Variants in BCAS3 observed in about 807,000 individuals in gnomAD.
BCAS3 encodes the protein BCAS4/BCAS3 fusion.
A neutral mutation model predicts 116.1 loss-of-function variants in BCAS3; 53 were observed. The ratio of observed to expected loss-of-function variants is 0.46; its 90% CI spans 0.37 to 0.57. The LOEUF is 0.57. BCAS3 is among the 20% of genes least tolerant of loss of function. The pLI is 0.00. For synonymous variants in BCAS3, 391 were observed against 408.2 expected, an observed-to-expected ratio of 0.96 and a Z score of 0.51; for missense variants, 917 against 1,165.4, an observed-to-expected ratio of 0.79 and a Z score of 3.10.
At chr17:60,727,551 A>G (rs1236144857) in intron 5 of BCAS3, 1 of 1,170,580 alleles carries the variant, frequency 8.5e-7, no homozygotes, top group African/African-American at 1.6e-5. Flanking sequence ...TCGCCTCGCA[A>G]AGCTCTCGCC....
In BCAS3 at chr17:61,302,271, C is replaced by G. The variant is rs2053514680; in HGVS notation, c.2426-66056C>G. The stretch of plus-strand genomic sequence containing the variant: ...GTCACATCAGAATGTACCACGGAAT[C>G]TGACTTTGCCATTTGTGTGGCTATG... On this transcript the variant is annotated intron_variant, in intron 22 of 23. Coordinates refer to ENST00000407086, the MANE Select transcript of BCAS3 (RefSeq NM_017679.5). The surrounding 1 kb of genome is among the most constrained non-coding windows in gnomAD (Gnocchi z 4.4). Among the ~76,000 whole-genome samples the G allele has an allele frequency of 6.6e-6, 1 of 152,198 alleles. No homozygotes were observed. The highest frequency in any genetic ancestry group is 2.4e-5 in the African/African-American group (1 of 41,442).
At chr17:60,811,144 G>C in intron 7 of BCAS3, 2 of 633,666 alleles carry the variant, frequency 3.2e-6, no homozygotes. Flanking sequence ...CCTGAGGGAG[G>C]TGGAGGCCCA....
chr17:61,035,312 G>C (rs147447539), intron 17 of BCAS3, among the ~76,000 whole-genome samples: 1 of 152,182 alleles, frequency 6.6e-6, no homozygotes, highest in African/African-American at 2.4e-5. Flanking sequence ...AAGGCCAGTC[G>C]CAGTGGCTCA....
Position 60,924,515 on chromosome 17 carries a change from TG to T in BCAS3, c.1087+16del, listed in dbSNP as rs750175888. 3.3e-6 allele frequency: 5 copies of T among 1,531,592 alleles called. No homozygotes were observed. Among genetic ancestry groups the T allele is most frequent in the East Asian group, 2.3e-5 (1 of 44,134 alleles). The allele number at this position is 1,531,592 out of a possible 1,614,324, so 94.9% of individuals were successfully genotyped here. A position where few individuals can be genotyped will look rare whatever the true frequency, so the allele number is the denominator to read the frequency against. Reference sequence around the variant, plus strand: ...TAATACAAGTGGTAAGTTCGCTCTCTGTCTTTTTTTTTTTTTTTTTTGTAGA... The same window carrying T: ...TAATACAAGTGGTAAGTTCGCTCTCTTCTTTTTTTTTTTTTTTTTTGTAGA... On this transcript the variant is annotated intron_variant, in intron 13 of 23. Transcript: ENST00000407086.
intron 22 of BCAS3, among the ~76,000 whole-genome samples, chr17:61,192,246 C>CAAAAAAAAAAAAAAAAAAAAAAAAAAAAA (rs60456812): frequency 7.1e-5 from 5 of 70,684 alleles, no homozygotes; most frequent in Non-Finnish European, 1.1e-4. Flanking sequence ...GCTCTGTTAC[C>CAAAAAAAAAAAAAAAAAAAAAAAAAAAAA]AAAAAAAAAA....
intron 5 of BCAS3, among the ~76,000 whole-genome samples, chr17:60,744,852 G>T (rs2041899218): frequency 6.6e-6 from 1 of 152,098 alleles, no homozygotes; most frequent in Non-Finnish European, 1.5e-5. Flanking sequence ...AGGGATTTAA[G>T]ATACAAGCTT....
Position 61,278,860 on chromosome 17 carries a change from TTTC to T in BCAS3, c.2426-89464_2426-89462del, listed in dbSNP as rs1321927976. ...GAGGTAGTGGCTAAGTGGTACAGGGTTTCTTTTCAGAACAATCAAAATCTTCTA... is the reference window on the plus strand; with the variant it reads ...GAGGTAGTGGCTAAGTGGTACAGGGTTTTTCAGAACAATCAAAATCTTCTA... On this transcript the variant is annotated intron_variant, in intron 22 of 23. Transcript: ENST00000407086. The surrounding 1 kb of genome is among the most constrained non-coding windows in gnomAD (Gnocchi z 5.8). Among the ~76,000 whole-genome samples, 2 of 152,092 alleles carry T rather than the reference TTTC, an allele frequency of 1.3e-5. No individual in the cohort carries two copies. Among genetic ancestry groups the T allele is most frequent in the African/African-American group, 4.8e-5 (2 of 41,408 alleles).
At chr17:61,108,023 C>T (rs1335452055) in intron 22 of BCAS3, among the ~76,000 whole-genome samples, 4 of 152,200 alleles carry the variant, frequency 2.6e-5, no homozygotes, top group Non-Finnish European at 5.9e-5. Flanking sequence ...TTATTGAAGT[C>T]TCCAGCTATA....
chr17:61,316,820 A>C lies in BCAS3; in HGVS notation c.2426-51507A>C, dbSNP rs757848803. On this transcript the variant is annotated intron_variant, in intron 22 of 23. Transcript: ENST00000407086. This position sits in a 1 kb window ranked among gnomAD's most constrained non-coding sequence, Gnocchi z 5.8. ...GGGGTCATGTACAATAATTCCTGCC[A>C]TGTAGGTTTATTAAATTAACAGTTG... Among the ~76,000 whole-genome samples, 49 of 152,144 alleles carry C rather than the reference A, an allele frequency of 3.2e-4. 1 individual carries two copies. The highest frequency in any genetic ancestry group is 1.0e-4 in the Non-Finnish European group (7 of 68,028).
intron 19 of BCAS3, among the ~76,000 whole-genome samples, chr17:61,072,421 A>G (rs2071520337): frequency 6.6e-6 from 1 of 152,088 alleles, no homozygotes; most frequent in Non-Finnish European, 1.5e-5. Context: ...TATTTTGATG[A>G]TGGATAAATA....
At chr17:60,765,867 T>G (rs1441623225) in intron 6 of BCAS3, among the ~76,000 whole-genome samples, 5 of 152,224 alleles carry the variant, frequency 3.3e-5, no homozygotes, top group African/African-American at 1.2e-4. Flanking sequence ...AGTCCTATAT[T>G]TCTTGGAGGC....
chr17:60,920,547 T>C (rs918998718), intron 12 of BCAS3, among the ~76,000 whole-genome samples: 2 of 152,100 alleles, frequency 1.3e-5, no homozygotes. Context: ...AGATGCCACC[T>C]TAACACCAGT....
In BCAS3 at chr17:61,084,608, T is replaced by C; in HGVS notation, c.2425+44T>C. 6.8e-7 allele frequency: 1 copy of C among 1,475,720 alleles called. No individual in the cohort carries two copies. The highest frequency in any genetic ancestry group is 9.5e-7 in the Non-Finnish European group (1 of 1,057,156). 91.4% of individuals were successfully genotyped at this position (1,475,720 alleles called of 1,614,324 possible). ...AATATTTATTGGGCAGTCCTGTGCA[T>C]TTTTAACTAATTTTCTCGCACAATG... On this transcript the variant is annotated intron_variant, in intron 22 of 23. Transcript: ENST00000407086. The surrounding 1 kb of genome is among the most constrained non-coding windows in gnomAD (Gnocchi z 5.5).
chr17:61,034,979 C>T lies in BCAS3; in HGVS notation c.1762+189C>T, dbSNP rs1300286499. Among the ~76,000 whole-genome samples the T allele has an allele frequency of 3.3e-5, 5 of 152,080 alleles. No homozygotes were observed. The highest frequency in any genetic ancestry group is 1.3e-4 in the Admixed American group (2 of 15,258). On this transcript the variant is annotated intron_variant, in intron 17 of 23. Transcript: ENST00000407086. This position sits in a 1 kb window ranked among gnomAD's most constrained non-coding sequence, Gnocchi z 5.0. ...AGAAAAACTATCCTCTCAGTATGAA[C>T]GTTAATGAATTGCCCACTGAGTGAT...
chr17:61,115,157 T>C (rs529872106), intron 22 of BCAS3, among the ~76,000 whole-genome samples: 1 of 151,846 alleles, frequency 6.6e-6, no homozygotes, highest in Non-Finnish European at 1.5e-5. Flanking sequence ...ACCTAGGCAT[T>C]ACCATTCAGG....
intron 22 of BCAS3, among the ~76,000 whole-genome samples, chr17:61,340,575 G>A (rs1443412961): frequency 6.6e-6 from 1 of 152,208 alleles, no homozygotes; most frequent in Non-Finnish European, 1.5e-5. Flanking sequence ...CATCAGGTCA[G>A]GCTCAGACCC....
intron 22 of BCAS3, among the ~76,000 whole-genome samples, chr17:61,174,897 T>A (rs1466867330): frequency 6.6e-6 from 1 of 152,198 alleles, no homozygotes; most frequent in Non-Finnish European, 1.5e-5. Flanking sequence ...GGTAGCTCAA[T>A]TAAGATAGAA....
Position 61,181,910 on chromosome 17 carries a change from G to A in BCAS3, c.2425+97346G>A, listed in dbSNP as rs886217962. ...TAATCTTGAGACACGGTCTCACTCC[G>A]CTGCCCAGGCTGGAGTGCAGCGTCA... On this transcript the variant is annotated intron_variant, in intron 22 of 23. Transcript: ENST00000407086. The surrounding 1 kb of genome is among the most constrained non-coding windows in gnomAD (Gnocchi z 5.0). Among the ~76,000 whole-genome samples, 11 of 149,622 alleles carry A rather than the reference G, an allele frequency of 7.4e-5. No homozygotes were observed. Among genetic ancestry groups the A allele is most frequent in the East Asian group, 2.0e-4 (1 of 5,076 alleles).
chr17:61,110,293 G>A (rs923641117), intron 22 of BCAS3, among the ~76,000 whole-genome samples: 35 of 150,050 alleles, frequency 2.3e-4, no homozygotes, highest in Non-Finnish European at 4.5e-4. Context: ...CGTGAGCGAC[G>A]CAGAAGATGG....
Sources: gnomAD v4.1 joint callset for allele counts (sites outside exome capture counted in the v4.1 genomes callset) on GRCh38, gnomAD v4.1.1 for gene constraint, Gnocchi (gnomAD v3.1) non-coding constraint, MANE v1.5 for transcripts, NCBI Gene and HGNC (gene_info 2026-07-23, HGNC 2026-07-21) for gene names.